Variants in ZFHX3 observed in about 807,000 individuals in gnomAD.
ZFHX3 encodes zinc finger homeobox protein 3.
ZFHX3 carries 42 observed loss-of-function variants against 279.1 expected under a neutral mutation model. That is an observed-to-expected ratio of 0.15 (90% CI 0.12 to 0.19). ZFHX3 has a LOEUF of 0.19. Ranked by LOEUF, ZFHX3 falls within the 10% of genes least tolerant of loss-of-function variation. ZFHX3 has a pLI of 1.00. For missense variants in ZFHX3, 4,981 were observed against 4,754.0 expected (o/e 1.05, Z -1.40); for synonymous variants, 2,293 against 1,957.8 (o/e 1.17, Z -4.52).
chr16:73,839,243 T>A (rs1961229519), intron 1 of ZFHX3, among the ~76,000 whole-genome samples: 1 of 144,280 alleles, frequency 6.9e-6, no homozygotes, highest in Admixed American at 7.4e-5. Context: ...GCGCCTGTAT[T>A]CCCAGCTACT....
chr16:72,936,500 G>C (rs1960133462), intron 3 of ZFHX3, among the ~76,000 whole-genome samples: 1 of 152,148 alleles, frequency 6.6e-6, no homozygotes, highest in South Asian at 2.1e-4. Context: ...TGGGTTGTCA[G>C]GGAAAGCCTC....
chr16:73,791,356 C>T (rs1389068788), intron 1 of ZFHX3, among the ~76,000 whole-genome samples: 2 of 152,156 alleles, frequency 1.3e-5, no homozygotes, highest in African/African-American at 2.4e-5. Context: ...GGAATTACTC[C>T]ACCATCAATT....
At chr16:73,616,958 C>G (rs1567534041) in intron 2 of ZFHX3, among the ~76,000 whole-genome samples, 1 of 152,146 alleles carries the variant, frequency 6.6e-6, no homozygotes, top group Non-Finnish European at 1.5e-5. Flanking sequence ...TTCTCTATAA[C>G]GGATGCTCAA....
intron 4 of ZFHX3, among the ~76,000 whole-genome samples, chr16:72,848,517 T>G (rs72793298): frequency 0.034 from 5,177 of 152,174 alleles, 154 homozygotes; most frequent in East Asian, 0.14. Flanking sequence ...TTCCTAAGCC[T>G]CCTCCTCAAC....
intron 2 of ZFHX3, among the ~76,000 whole-genome samples, chr16:73,495,498 G>T (rs2019126828): frequency 6.6e-6 from 1 of 152,216 alleles, no homozygotes; most frequent in Non-Finnish European, 1.5e-5. Context: ...TGCTAAGCTA[G>T]CCAGGAAATA....
Position 72,835,078 on chromosome 16 carries a change from C to T in ZFHX3, c.3449-5219G>A, listed in dbSNP as rs2037156288. 4.6e-5 allele frequency among the ~76,000 whole-genome samples: 7 copies of T among 152,076 alleles called. No homozygotes were observed. The South Asian group carries it at 1.5e-3, about 32-fold the overall frequency. ...TCTGTACCCGAGGCTCTCACATGAT[C>T]ATGTTACTTAAATAATACACCAATC... On this transcript the variant is annotated intron_variant, in intron 4 of 9. Transcript: ENST00000268489.
Position 73,436,323 on chromosome 16 carries a change from A to G in ZFHX3, c.-1291+19680T>C, listed in dbSNP as rs118097575. On this transcript the variant is annotated intron_variant, in intron 3 of 17. Transcript: ENST00000641206. ...GCAACAAGAGTGAAACTCCGTCTCAACAAAAAAGAGGTTTAAGGGACTCAG... is the reference window on the plus strand; with the variant it reads ...GCAACAAGAGTGAAACTCCGTCTCAGCAAAAAAGAGGTTTAAGGGACTCAG... 1.5e-3 allele frequency among the ~76,000 whole-genome samples: 227 copies of G among 152,274 alleles called. 2 individuals are homozygous for G. Among genetic ancestry groups the G allele is most frequent in the East Asian group, 6.4e-3 (33 of 5,176 alleles).
At chr16:73,446,093 T>C (rs1264250596) in intron 3 of ZFHX3, among the ~76,000 whole-genome samples, 2 of 152,186 alleles carry the variant, frequency 1.3e-5, no homozygotes, top group Non-Finnish European at 2.9e-5. Context: ...ACTCATTCAT[T>C]TGGCATAGCC....
At chr16:73,006,208 C>T (rs1337258155) in intron 1 of ZFHX3, 8 of 152,184 alleles carry the variant, frequency 5.3e-5, no homozygotes, top group Admixed American at 4.6e-4. Context: ...AATGTTGCCT[C>T]TCATGATTCA....
chr16:72,869,334 A>C (rs2038097723), intron 4 of ZFHX3, among the ~76,000 whole-genome samples: 1 of 152,150 alleles, frequency 6.6e-6, no homozygotes, highest in South Asian at 2.1e-4. Flanking sequence ...AGCCCTCGCC[A>C]ACCAGAGGCT....
intron 6 of ZFHX3, among the ~76,000 whole-genome samples, chr16:73,136,902 G>T (rs1008599655): frequency 6.6e-6 from 1 of 150,638 alleles, no homozygotes; most frequent in African/African-American, 2.4e-5. Context: ...TAGCTAGCAG[G>T]TCTTGGAGCA....
intron 1 of ZFHX3, among the ~76,000 whole-genome samples, chr16:72,963,577 A>G (rs1961690383): frequency 6.6e-6 from 1 of 152,124 alleles, no homozygotes; most frequent in South Asian, 2.1e-4. Context: ...CCTTGGAACC[A>G]CCTGTAAAGC....
At chr16:73,187,824 G>A (rs921970324) in intron 5 of ZFHX3, among the ~76,000 whole-genome samples, 3 of 152,136 alleles carry the variant, frequency 2.0e-5, no homozygotes, top group African/African-American at 7.2e-5. Flanking sequence ...CGTCACCCAC[G>A]TTGCATAACA....
At chr16:73,308,046 AC>A (rs2015223131) in intron 4 of ZFHX3, among the ~76,000 whole-genome samples, 2 of 151,764 alleles carry the variant, frequency 1.3e-5, no homozygotes, top group Non-Finnish European at 2.9e-5. Flanking sequence ...AAGGATATAA[AC>A]AGCCAAAGAG....
chr16:73,832,881 A>G (rs1380525884), intron 1 of ZFHX3, among the ~76,000 whole-genome samples: 4 of 152,192 alleles, frequency 2.6e-5, no homozygotes, highest in Non-Finnish European at 4.4e-5. Context: ...ACAGTGGCTG[A>G]TAAGTGTCAG....
chr16:73,361,527 A>G (rs1281271204), intron 3 of ZFHX3, among the ~76,000 whole-genome samples: 1 of 152,214 alleles, frequency 6.6e-6, no homozygotes, highest in Non-Finnish European at 1.5e-5. Flanking sequence ...TAAATAACAG[A>G]ATCAATGACT....
chr16:73,584,699 T>A (rs548496010), intron 2 of ZFHX3, among the ~76,000 whole-genome samples: 2 of 152,174 alleles, frequency 1.3e-5, no homozygotes, highest in African/African-American at 2.4e-5. Context: ...TATGATGAAA[T>A]CGCCAAAAGC....
Position 73,766,767 on chromosome 16 carries a change from G to A in ZFHX3, c.-1607-86527C>T, listed in dbSNP as rs111584613. On this transcript the variant is annotated intron_variant, in intron 1 of 17. Coordinates refer to the ZFHX3 transcript ENST00000641206. ...GTGACATGGGTCCCCAGGAGTTGTC[G>A]CCACTCACTGTGCCCAGGTTAGCTG... is the stretch of plus-strand genomic sequence containing the variant. Among the ~76,000 whole-genome samples the A allele has an allele frequency of 1.7e-4, 26 of 152,128 alleles. 1 individual carries two copies. The highest frequency in any genetic ancestry group is 1.4e-3 in the East Asian group (7 of 5,154).
In ZFHX3 at chr16:73,037,224, A is replaced by C. The variant is rs1597121011; in HGVS notation, c.-50+10528T>G. ...CAGTGTAAAGTTCTTCCTTAGGAATACTGGGGTAAGGAGGTATTCAAATAT... is the reference window on the plus strand; with the variant it reads ...CAGTGTAAAGTTCTTCCTTAGGAATCCTGGGGTAAGGAGGTATTCAAATAT... On this transcript the variant is annotated intron_variant, in intron 1 of 9. Transcript: ENST00000268489. 3.3e-5 allele frequency among the ~76,000 whole-genome samples: 5 copies of C among 152,332 alleles called. No individual in the cohort carries two copies. The South Asian group carries it at 1.0e-3, about 32-fold the overall frequency.
Sources: gnomAD v4.1 joint callset for allele counts (sites outside exome capture counted in the v4.1 genomes callset) on GRCh38, gnomAD v4.1.1 for gene constraint, MANE v1.5 for transcripts, NCBI Gene and HGNC (gene_info 2026-07-23, HGNC 2026-07-21) for gene names.